CCDC85A: variants seen among roughly 807,000 people sequenced by gnomAD.
The protein encoded by CCDC85A is coiled-coil domain-containing protein 85A.
Under a neutral mutation model 50.2 loss-of-function variants are expected in CCDC85A, and 38 were observed. The observed-to-expected ratio is 0.76, with a 90% CI of 0.58 to 0.99. The LOEUF (loss-of-function observed/expected upper bound fraction) is 0.99, where lower values mean the gene tolerates loss of function less well. Ranked by LOEUF, CCDC85A falls within the 50% of genes least tolerant of loss-of-function variation. The pLI is 0.00. For synonymous variants in CCDC85A, 366 were observed against 301.4 expected (o/e 1.21, Z -2.22); for missense variants, 820 against 742.0 (o/e 1.11, Z -1.22).
rs1331230148 is a variant in CCDC85A, at chr2:56,184,692, C to T, written c.68C>T (p.Ala23Val). ...AAAESCSPAPAGSSAAPPAPV... is the reference protein window; with the variant it reads ...AAAESCSPAPVGSSAAPPAPV... ...GCGGAAAGTTGTTCCCCAGCCCCGG[C>T]CGGCTCGTCCGCGGCCCCGCCCGCG... The change falls in exon 1 of 6, where the codon GCC becomes GTC. Residue 23 changes from alanine to valine, a missense_variant. By Grantham distance (64) the Ala-to-Val change is moderately conservative. Coordinates refer to ENST00000407595, the MANE Select transcript of CCDC85A (RefSeq NM_001080433.2). 12 of 1,523,278 alleles carry T rather than the reference C, an allele frequency of 7.9e-6. No homozygotes were observed. Among genetic ancestry groups the T allele is most frequent in the Non-Finnish European group, 1.1e-5 (12 of 1,139,756 alleles). The allele number at this position is 1,523,278 out of a possible 1,614,324, so 94.4% of individuals were successfully genotyped here.
chr2:56,274,983 C>G (rs1212339452), intron 2 of CCDC85A, among the ~76,000 whole-genome samples: 2 of 152,118 alleles, frequency 1.3e-5, no homozygotes, highest in Non-Finnish European at 2.9e-5. Context: ...GGTGTCTGTT[C>G]TTATAAGGAC....
intron 5 of CCDC85A, among the ~76,000 whole-genome samples, chr2:56,380,756 G>C (rs1573379008): frequency 6.6e-6 from 1 of 152,136 alleles, no homozygotes; most frequent in Non-Finnish European, 1.5e-5. Flanking sequence ...ATATACATGG[G>C]ATGTATCATT....
At chr2:56,221,746 T>A (rs1210131150) in intron 2 of CCDC85A, among the ~76,000 whole-genome samples, 1 of 152,108 alleles carries the variant, frequency 6.6e-6, no homozygotes, top group Non-Finnish European at 1.5e-5. Flanking sequence ...TAGAATGAAT[T>A]TGTTAGGTTA....
chr2:56,234,966 A>G (rs1184747972), intron 2 of CCDC85A, among the ~76,000 whole-genome samples: 2 of 152,204 alleles, frequency 1.3e-5, no homozygotes, highest in Non-Finnish European at 2.9e-5. Flanking sequence ...AAATGAGTTC[A>G]TCTCAGGTTG....
At chr2:56,321,676 G>C (rs1276647814) in intron 2 of CCDC85A, among the ~76,000 whole-genome samples, 2 of 152,088 alleles carry the variant, frequency 1.3e-5, no homozygotes, top group Non-Finnish European at 2.9e-5. Flanking sequence ...TTCCATGCTC[G>C]TGGATACGAA....
intron 1 of CCDC85A, among the ~76,000 whole-genome samples, chr2:56,189,092 A>C (rs1032341458): frequency 1.3e-5 from 2 of 152,120 alleles, no homozygotes; most frequent in Non-Finnish European, 2.9e-5. Context: ...CTCTCCTCTT[A>C]GGTTCATATG....
intron 2 of CCDC85A, among the ~76,000 whole-genome samples, chr2:56,252,747 A>G (rs775261743): frequency 1.6e-4 from 24 of 152,018 alleles, no homozygotes; most frequent in Admixed American, 2.6e-4. Flanking sequence ...CCCTGTGTCC[A>G]TGTGTTCTCG....
chr2:56,370,776 T>A lies in CCDC85A; in HGVS notation c.1318-1568T>A, dbSNP rs114713214. 3.0e-3 allele frequency among the ~76,000 whole-genome samples: 462 copies of A among 152,204 alleles called. 4 individuals are homozygous for A. The highest frequency in any genetic ancestry group is 0.011 in the African/African-American group (445 of 41,558). On this transcript the variant is annotated intron_variant, in intron 3 of 5. Transcript: ENST00000407595. ...TAAGCTTTGTTACAATGGAGAGGAA[T>A]TGGGATTTAGCCTTGCTACACATTA...
chr2:56,188,787 C>T (rs1263443151), intron 1 of CCDC85A, among the ~76,000 whole-genome samples: 1 of 152,222 alleles, frequency 6.6e-6, no homozygotes, highest in Non-Finnish European at 1.5e-5. Context: ...TAGCTGTAGC[C>T]TGTTTTGGCC....
At chr2:56,296,515 G>A (rs1671956425) in intron 2 of CCDC85A, among the ~76,000 whole-genome samples, 1 of 152,108 alleles carries the variant, frequency 6.6e-6, no homozygotes, top group Non-Finnish European at 1.5e-5. Context: ...TTACATGGAG[G>A]TGATCCCTAA....
intron 2 of CCDC85A, among the ~76,000 whole-genome samples, chr2:56,330,427 A>G (rs1443214269): frequency 6.6e-6 from 1 of 152,208 alleles, no homozygotes; most frequent in Non-Finnish European, 1.5e-5. Flanking sequence ...ATTTAACTGC[A>G]TCTTGAATAA....
chr2:56,233,627 T>G (rs1372979745), intron 2 of CCDC85A, among the ~76,000 whole-genome samples: 2 of 152,230 alleles, frequency 1.3e-5, no homozygotes, highest in African/African-American at 4.8e-5. Context: ...AATTAACCAT[T>G]CTTAGCCTGT....
chr2:56,290,455 T>G (rs570447324), intron 2 of CCDC85A, among the ~76,000 whole-genome samples: 1 of 152,186 alleles, frequency 6.6e-6, no homozygotes, highest in Non-Finnish European at 1.5e-5. Flanking sequence ...TCTGTGCCCC[T>G]CTACTATGGC....
intron 5 of CCDC85A, among the ~76,000 whole-genome samples, chr2:56,380,870 AAC>A (rs766948502): frequency 4.6e-5 from 7 of 152,242 alleles, no homozygotes; most frequent in Non-Finnish European, 8.8e-5. Flanking sequence ...GGTCATGTTA[AAC>A]ACTGATTTTA....
In CCDC85A at chr2:56,184,564, C is replaced by G; in HGVS notation, c.-61C>G. 7.4e-7 allele frequency: 1 copy of G among 1,360,426 alleles called. No individual in the cohort carries two copies. Among genetic ancestry groups the G allele is most frequent in the Non-Finnish European group, 9.4e-7 (1 of 1,065,642 alleles). 84.3% of individuals were successfully genotyped at this position (1,360,426 alleles called of 1,614,324 possible). On this transcript the variant is annotated 5_prime_UTR_variant, in exon 1 of 6. Transcript: ENST00000407595. ...TGGGCGGAGGCGGCCTCGCCGCGCCCGCGCCTTCGGGAGTCGCCTCGCCTC... is the reference window on the plus strand; with the variant it reads ...TGGGCGGAGGCGGCCTCGCCGCGCCGGCGCCTTCGGGAGTCGCCTCGCCTC...
rs891924358 is a variant in CCDC85A, at chr2:56,264,844, T to C, written c.1240+71404T>C. On this transcript the variant is annotated intron_variant, in intron 2 of 5. Coordinates refer to ENST00000407595, the MANE Select transcript of CCDC85A (RefSeq NM_001080433.2). ...CCTCTCCAGGCCATCTTTGCATTTC[T>C]CTTCTTTAGTCACACGAAGTAGGCC... 5.3e-5 allele frequency among the ~76,000 whole-genome samples: 8 copies of C among 152,328 alleles called. 1 individual carries two copies. The East Asian group carries it at 1.2e-3, about 22-fold the overall frequency.
chr2:56,349,871 A>T (rs990814113), intron 3 of CCDC85A, among the ~76,000 whole-genome samples: 1 of 152,068 alleles, frequency 6.6e-6, no homozygotes, highest in Non-Finnish European at 1.5e-5. Context: ...ATAAAAATGT[A>T]GCATTATTGT....
rs1676747509 is a variant in CCDC85A at position 56,384,606 on chromosome 2, G to C, written c.*251G>C. ...AGCTTTGAACATCTCAAACAGAGTAGCTTTGAAAATCAACATTTTGGTACC... is the reference window on the plus strand; with the variant it reads ...AGCTTTGAACATCTCAAACAGAGTACCTTTGAAAATCAACATTTTGGTACC... On this transcript the variant is annotated 3_prime_UTR_variant, in exon 6 of 6. Coordinates refer to ENST00000407595, the MANE Select transcript of CCDC85A (RefSeq NM_001080433.2). The C allele has an allele frequency of 2.7e-6, 1 of 372,922 alleles. No individual in the cohort carries two copies. The highest frequency in any genetic ancestry group is 4.9e-6 in the Non-Finnish European group (1 of 202,474). The allele number at this position is 372,922 out of a possible 1,614,324, so 23.1% of individuals were successfully genotyped here.
In CCDC85A at chr2:56,375,890, T is replaced by C; in HGVS notation, c.1527T>C (p.His509=). The C allele has an allele frequency of 1.2e-6, 2 of 1,613,848 alleles. No homozygotes were observed. Among genetic ancestry groups the C allele is most frequent in the Non-Finnish European group, 1.7e-6 (2 of 1,179,800 alleles). The stretch of plus-strand genomic sequence containing the variant: ...ACTCTGCAGCTAGCTTCAGTGGACA[T>C]GCCACACCTTCCCAGCAGCCTGAAC... ...SPNSAASFSG[H]ATPSQQPEPV... Residue 509 remains histidine (H), a synonymous_variant, in exon 5 of 6, where the codon CAT becomes CAC. Coordinates refer to ENST00000407595, the MANE Select transcript of CCDC85A (RefSeq NM_001080433.2).
Sources: gnomAD v4.1 joint callset for allele counts (sites outside exome capture counted in the v4.1 genomes callset) on GRCh38, gnomAD v4.1.1 for gene constraint, MANE v1.5 for transcripts, NCBI Gene and HGNC (gene_info 2026-07-23, HGNC 2026-07-21) for gene names.